ST3GAL1: variants seen among roughly 807,000 people sequenced by gnomAD.
The protein encoded by ST3GAL1 is ST3 beta-galactoside alpha-2,3-sialyltransferase 1.
Under a neutral mutation model 34.1 loss-of-function variants are expected in ST3GAL1, and 16 were observed. That is an observed-to-expected ratio of 0.47 (90% CI 0.32 to 0.71). ST3GAL1 has a LOEUF of 0.71. Among genes scored for constraint, ST3GAL1 ranks in the 30% least tolerant of loss-of-function variants. ST3GAL1 has a pLI of 0.04. For synonymous variants in ST3GAL1, 191 were observed against 184.7 expected, an observed-to-expected ratio of 1.03 and a Z score of -0.28; for missense variants, 353 against 447.4, an observed-to-expected ratio of 0.79 and a Z score of 1.90.
chr8:133,481,825 T>C (rs971226443), intron 3 of ST3GAL1, among the ~76,000 whole-genome samples: 1 of 151,880 alleles, frequency 6.6e-6, no homozygotes, highest in African/African-American at 2.4e-5. Context: ...TGTTTTCTGC[T>C]TGGTTTCTTA....
chr8:133,487,439 TA>T (rs1360703551), intron 3 of ST3GAL1, among the ~76,000 whole-genome samples: 25 of 152,266 alleles, frequency 1.6e-4, no homozygotes, highest in Admixed American at 9.8e-4. Flanking sequence ...TGTGTGTGGA[TA>T]ATGGCTAGTG....
intron 1 of ST3GAL1, among the ~76,000 whole-genome samples, chr8:133,567,983 C>T (rs932106278): frequency 3.3e-5 from 5 of 150,968 alleles, no homozygotes; most frequent in Non-Finnish European, 7.4e-5. Flanking sequence ...TGCCATGGCA[C>T]GATCTCAGCT....
chr8:133,541,341 A>G (rs1270363309), intron 2 of ST3GAL1, among the ~76,000 whole-genome samples: 2 of 151,884 alleles, frequency 1.3e-5, no homozygotes, highest in Admixed American at 6.6e-5. Flanking sequence ...CTCCACACTG[A>G]AGCAGCTCTC....
chr8:133,520,283 C>A (rs547959300), intron 2 of ST3GAL1, among the ~76,000 whole-genome samples: 2 of 152,330 alleles, frequency 1.3e-5, no homozygotes, highest in African/African-American at 4.8e-5. Context: ...GTGTGGTGTG[C>A]ACAACACCTG....
rs1819051090 is a variant in ST3GAL1 at position 133,556,954 on chromosome 8, T to G, written c.-581-11028A>C. Among the ~76,000 whole-genome samples, 1 of 152,108 alleles carries G rather than the reference T, an allele frequency of 6.6e-6. No homozygotes were observed. The highest frequency in any genetic ancestry group is 1.5e-5 in the Non-Finnish European group (1 of 68,024). ...GGTCTCGAGCCTTTTATGATGTGCA[T>G]GCATGTGTTAGAAGGAAACATTGTG... On this transcript the variant is annotated intron_variant, in intron 1 of 9. Coordinates refer to ENST00000522652, the MANE Select transcript of ST3GAL1 (RefSeq NM_173344.3). The surrounding 1 kb of genome is among the most constrained non-coding windows in gnomAD (Gnocchi z 8.9).
intron 2 of ST3GAL1, among the ~76,000 whole-genome samples, chr8:133,543,675 A>G (rs1251440254): frequency 6.6e-6 from 1 of 152,184 alleles, no homozygotes; most frequent in African/African-American, 2.4e-5. Flanking sequence ...TACTTAGTGC[A>G]TTGTATGTGC....
At chr8:133,480,812 T>C (rs1200338642) in intron 3 of ST3GAL1, among the ~76,000 whole-genome samples, 1 of 152,212 alleles carries the variant, frequency 6.6e-6, no homozygotes, top group Non-Finnish European at 1.5e-5. Context: ...CCCTTTCTGA[T>C]AACTTCTTTG....
intron 2 of ST3GAL1, among the ~76,000 whole-genome samples, chr8:133,516,001 C>T (rs1312583060): frequency 1.3e-5 from 2 of 152,068 alleles, no homozygotes; most frequent in East Asian, 1.9e-4. Flanking sequence ...ACTACAGGTG[C>T]CTATCACCAT....
At chr8:133,517,157 G>A (rs1188318859) in intron 2 of ST3GAL1, among the ~76,000 whole-genome samples, 1 of 152,142 alleles carries the variant, frequency 6.6e-6, no homozygotes, top group Non-Finnish European at 1.5e-5. Context: ...CACAGTGGCT[G>A]GACAGTCCCA....
At chr8:133,519,149 T>A (rs1266843596) in intron 2 of ST3GAL1, among the ~76,000 whole-genome samples, 2 of 152,128 alleles carry the variant, frequency 1.3e-5, no homozygotes, top group African/African-American at 4.8e-5. Flanking sequence ...AGGGCCTCAT[T>A]AGCAATCAGA....
intron 2 of ST3GAL1, among the ~76,000 whole-genome samples, chr8:133,507,153 G>C (rs1028595958): frequency 2.0e-5 from 3 of 152,154 alleles, no homozygotes; most frequent in Non-Finnish European, 2.9e-5. Flanking sequence ...TTTGGTGTTT[G>C]AATCAGATGC....
intron 3 of ST3GAL1, among the ~76,000 whole-genome samples, chr8:133,497,528 G>A (rs900052168): frequency 1.4e-5 from 2 of 142,466 alleles, no homozygotes; most frequent in Non-Finnish European, 3.0e-5. Context: ...TGGAGTGCAC[G>A]GGCGCAATCT....
At chr8:133,515,632 G>A (rs1447418431) in intron 2 of ST3GAL1, 2 of 152,016 alleles carry the variant, frequency 1.3e-5, no homozygotes, top group Admixed American at 1.3e-4. Flanking sequence ...CTTACCATGA[G>A]TTTTCCAGAC....
Position 133,459,746 on chromosome 8 carries a change from C to T in ST3GAL1, c.*18G>A. ...TGCAGAGGTGTGACAGTGCGTCCAT[C>T]CTCAGCCCTTCACTGCGTCATCTCC... On this transcript the variant is annotated 3_prime_UTR_variant, in exon 10 of 10. Coordinates refer to ENST00000522652, the MANE Select transcript of ST3GAL1 (RefSeq NM_173344.3). The surrounding 1 kb of genome is among the most constrained non-coding windows in gnomAD (Gnocchi z 4.7). 1.2e-6 allele frequency: 2 copies of T among 1,600,010 alleles called. No homozygotes were observed. The highest frequency in any genetic ancestry group is 1.7e-6 in the Non-Finnish European group (2 of 1,171,226).
chr8:133,521,164 T>C (rs1817797146), intron 2 of ST3GAL1, among the ~76,000 whole-genome samples: 1 of 84,722 alleles, frequency 1.2e-5, no homozygotes. Context: ...GAGACAGTCT[T>C]GCTCTGTTGC....
intron 1 of ST3GAL1, among the ~76,000 whole-genome samples, chr8:133,565,981 G>A (rs963696066): frequency 6.6e-6 from 1 of 152,262 alleles, no homozygotes; most frequent in Non-Finnish European, 1.5e-5. Flanking sequence ...GTCCACTGCA[G>A]GTGCCTTGAA....
Position 133,508,601 on chromosome 8 carries a change from A to G in ST3GAL1, c.-428-9412T>C, listed in dbSNP as rs756287834. Among the ~76,000 whole-genome samples the G allele has an allele frequency of 5.3e-5, 8 of 152,148 alleles. No individual in the cohort carries two copies. The highest frequency in any genetic ancestry group is 1.0e-4 in the Non-Finnish European group (7 of 68,024). ...GTAAGGAAGAGACAATCTCAGAAGC[A>G]GGGCACTCGCTCAAATTCAGAGACC... is the stretch of plus-strand genomic sequence containing the variant. On this transcript the variant is annotated intron_variant, in intron 2 of 9. Transcript: ENST00000522652. This position sits in a 1 kb window ranked among gnomAD's most constrained non-coding sequence, Gnocchi z 4.1.
intron 8 of ST3GAL1, 59 bp from the exon 9 acceptor site, chr8:133,462,053 G>A: frequency 3.1e-6 from 5 of 1,609,026 alleles, no homozygotes; most frequent in East Asian, 2.2e-5. Flanking sequence ...GACATGGAGC[G>A]CCTGTCAGAT....
At chr8:133,510,445 T>G (rs909266857) in intron 2 of ST3GAL1, among the ~76,000 whole-genome samples, 2 of 152,216 alleles carry the variant, frequency 1.3e-5, no homozygotes, top group African/African-American at 2.4e-5. Flanking sequence ...AGAGATAGTC[T>G]GCACCTATCT....
Sources: gnomAD v4.1 joint callset for allele counts (sites outside exome capture counted in the v4.1 genomes callset) on GRCh38, gnomAD v4.1.1 for gene constraint, Gnocchi (gnomAD v3.1) non-coding constraint, MANE v1.5 for transcripts, NCBI Gene and HGNC (gene_info 2026-07-23, HGNC 2026-07-21) for gene names.